Variants in PCSK5 observed in about 807,000 individuals in gnomAD.
PCSK5 encodes prohormone convertase 5.
PCSK5 carries 129 observed loss-of-function variants against 233.2 expected under a neutral mutation model. The ratio of observed to expected loss-of-function variants is 0.55; its 90% CI spans 0.48 to 0.64. The LOEUF (loss-of-function observed/expected upper bound fraction) is 0.64. Among genes scored for constraint, PCSK5 ranks in the 30% least tolerant of loss-of-function variants. The pLI is 0.00. For synonymous variants in PCSK5, 825 were observed against 879.2 expected, an observed-to-expected ratio of 0.94 and a Z score of 1.09; for missense variants, 2,076 against 2,430.1, an observed-to-expected ratio of 0.85 and a Z score of 3.06.
chr9:76,150,949 T>C (rs1039412281), intron 10 of PCSK5, among the ~76,000 whole-genome samples: 2 of 152,102 alleles, frequency 1.3e-5, no homozygotes, highest in Non-Finnish European at 2.9e-5. Context: ...CTTCCCACTT[T>C]TTCTTTCTTC....
chr9:76,229,990 G>A (rs1179257792), intron 21 of PCSK5, among the ~76,000 whole-genome samples: 1 of 152,172 alleles, frequency 6.6e-6, no homozygotes, highest in Non-Finnish European at 1.5e-5. Flanking sequence ...GATGACTGGT[G>A]GTCCCAGAGA....
intron 20 of PCSK5, among the ~76,000 whole-genome samples, chr9:76,212,567 C>A (rs1469181222): frequency 1.3e-5 from 2 of 152,214 alleles, no homozygotes; most frequent in African/African-American, 4.8e-5. Flanking sequence ...CTAGATCATT[C>A]CAACCAGCTT....
At chr9:76,044,427 G>A (rs1293099244) in intron 5 of PCSK5, among the ~76,000 whole-genome samples, 3 of 152,176 alleles carry the variant, frequency 2.0e-5, no homozygotes, top group East Asian at 3.8e-4. Context: ...CAGGACGATC[G>A]TGAAAGTCTG....
chr9:76,251,041 G>A (rs545404455), intron 24 of PCSK5, among the ~76,000 whole-genome samples: 2 of 152,326 alleles, frequency 1.3e-5, no homozygotes, highest in African/African-American at 4.8e-5. Flanking sequence ...GCCAAGACAG[G>A]AGGATGGCTT....
intron 2 of PCSK5, among the ~76,000 whole-genome samples, chr9:75,956,053 C>G (rs1320311073): frequency 1.3e-5 from 2 of 152,186 alleles, no homozygotes; most frequent in African/African-American, 4.8e-5. Flanking sequence ...CTCTTGTAAC[C>G]ACTACACTAT....
chr9:76,133,615 C>T (rs545702345), intron 9 of PCSK5, among the ~76,000 whole-genome samples: 1 of 152,108 alleles, frequency 6.6e-6, no homozygotes, highest in East Asian at 1.9e-4. Context: ...TGAGATTTTT[C>T]CATATCCCAC....
intron 2 of PCSK5, among the ~76,000 whole-genome samples, chr9:75,981,332 A>G (rs1482861287): frequency 6.6e-6 from 1 of 152,220 alleles, no homozygotes; most frequent in Non-Finnish European, 1.5e-5. Flanking sequence ...TTTTACAGAT[A>G]AAAGAGGCCC....
intron 17 of PCSK5, among the ~76,000 whole-genome samples, chr9:76,187,910 G>T (rs910903591): frequency 1.3e-5 from 2 of 152,158 alleles, no homozygotes; most frequent in African/African-American, 4.8e-5. Flanking sequence ...AAGTCAAGAT[G>T]ATTGGGGAAA....
At position 75,983,085 on chromosome 9, in the gene PCSK5, T is replaced by C. The variant is rs191752639; in HGVS notation, c.298-3047T>C. ...TCATATACTGTATTCTTACATGTTTTGGGTCAATTTCTTGACTTTCTATGC... is the reference window on the plus strand; with the variant it reads ...TCATATACTGTATTCTTACATGTTTCGGGTCAATTTCTTGACTTTCTATGC... On this transcript the variant is annotated intron_variant, in intron 2 of 37. Coordinates refer to ENST00000674117, the MANE Select transcript of PCSK5 (RefSeq NM_001372043.1). Among the ~76,000 whole-genome samples the C allele has an allele frequency of 5.3e-5, 8 of 152,292 alleles. No individual in the cohort carries two copies. In the East Asian group the frequency reaches 1.5e-3, roughly 29 times the overall value.
At chr9:76,048,485 T>C (rs1181828122) in intron 5 of PCSK5, among the ~76,000 whole-genome samples, 1 of 152,194 alleles carries the variant, frequency 6.6e-6, no homozygotes, top group Non-Finnish European at 1.5e-5. Flanking sequence ...ACTAAGTACG[T>C]GTGTACCTGA....
At chr9:75,957,026 ATAGAAGAGCCTTACC>A (rs1825124745) in intron 2 of PCSK5, among the ~76,000 whole-genome samples, 1 of 152,130 alleles carries the variant, frequency 6.6e-6, no homozygotes, top group East Asian at 1.9e-4. Context: ...GGGAAAATTC[ATAGAAGAGCCTTACC>A]AAGTCCCTGG....
chr9:76,178,556 T>C (rs1587723209), intron 14 of PCSK5, among the ~76,000 whole-genome samples: 2 of 152,156 alleles, frequency 1.3e-5, no homozygotes, highest in East Asian at 3.9e-4. Flanking sequence ...GTTCTAACAT[T>C]TTTTTATGTT....
At chr9:75,896,066 G>A (rs891994306) in intron 1 of PCSK5, among the ~76,000 whole-genome samples, 2 of 152,158 alleles carry the variant, frequency 1.3e-5, no homozygotes, top group Non-Finnish European at 2.9e-5. Context: ...ATTGGTCTCT[G>A]TGTGATATAT....
In PCSK5 at chr9:76,310,668, T is replaced by C. The variant is rs199818235; in HGVS notation, c.3701T>C (p.Leu1234Pro). ...CTSCPKGAYL[L>P]AQACVSSCPQ... is the part of the protein sequence containing the mutation. Reference sequence around the variant, plus strand: ...CCTGAATTTCTAGGTGCATATCTTCTGGCTCAGGCCTGTGTTTCCTCCTGT... The same window carrying C: ...CCTGAATTTCTAGGTGCATATCTTCCGGCTCAGGCCTGTGTTTCCTCCTGT... The change falls in exon 30 of 38, where the codon CTG becomes CCG. Residue 1234 changes from leucine (L) to proline (P), a missense_variant. Around this residue, in one of 6 missense-constraint regions of PCSK5, gnomAD observed 1,510 missense variants for 1,538.1 expected, o/e 0.98. Transcript: ENST00000674117. 1,486 of 1,574,066 alleles carry C rather than the reference T, an allele frequency of 9.4e-4. 2 individuals are homozygous for C. The highest frequency in any genetic ancestry group is 1.2e-3 in the Non-Finnish European group (1,366 of 1,164,542).
chr9:76,093,848 A>G (rs1831399712), intron 7 of PCSK5, among the ~76,000 whole-genome samples: 1 of 152,126 alleles, frequency 6.6e-6, no homozygotes, highest in Non-Finnish European at 1.5e-5. Context: ...TGAGGTCTAG[A>G]CAGGAGTCCA....
intron 8 of PCSK5, among the ~76,000 whole-genome samples, chr9:76,103,774 A>G (rs888696183): frequency 1.3e-5 from 2 of 152,286 alleles, no homozygotes; most frequent in East Asian, 1.9e-4. Context: ...TCCAGTTTCC[A>G]TCACTCTGAT....
intron 2 of PCSK5, among the ~76,000 whole-genome samples, chr9:75,974,470 G>A (rs115303707): frequency 2.4e-3 from 369 of 152,230 alleles, no homozygotes; most frequent in African/African-American, 7.9e-3. Flanking sequence ...CCCTTTGCCC[G>A]GGGATTTTGG....
intron 10 of PCSK5, among the ~76,000 whole-genome samples, chr9:76,145,356 G>A (rs1487645558): frequency 6.6e-6 from 1 of 152,022 alleles, no homozygotes; most frequent in Non-Finnish European, 1.5e-5. Flanking sequence ...TCATATTTGG[G>A]GTGGAGTGCT....
rs1279356235 is a variant in PCSK5, at chr9:76,360,212, A to C, written c.*1290A>C. 1 of 152,208 alleles carries C rather than the reference A, an allele frequency of 6.6e-6. No homozygotes were observed. Among genetic ancestry groups the C allele is most frequent in the African/African-American group, 2.4e-5 (1 of 41,450 alleles). The allele number at this position is 152,208 out of a possible 1,614,324, so 9.4% of individuals were successfully genotyped here. On this transcript the variant is annotated 3_prime_UTR_variant, in exon 38 of 38. Transcript: ENST00000674117. ...CAGAGAATGATGATAATTATAATCT[A>C]TTGCACACCTACTACCAGATAACAA...
Sources: allele counts gnomAD v4.1 joint callset (sites outside exome capture counted in the v4.1 genomes callset), GRCh38; gene constraint gnomAD v4.1.1; regional missense constraint gnomAD v4.1.1; transcripts MANE v1.5; gene names NCBI Gene and HGNC (gene_info 2026-07-23, HGNC 2026-07-21).